The following PRKCA variants were observed in gnomAD, a reference collection of about 807,000 sequenced individuals.
PRKCA encodes protein kinase C alpha type.
Under a neutral mutation model 87.0 loss-of-function variants are expected in PRKCA, and 27 were observed. The ratio of observed to expected loss-of-function variants is 0.31; its 90% CI spans 0.23 to 0.43. The LOEUF is 0.43. PRKCA is among the 20% of genes least tolerant of loss of function. PRKCA has a pLI of 1.00. For synonymous variants in PRKCA, 329 were observed against 311.1 expected, an observed-to-expected ratio of 1.06 and a Z score of -0.61; for missense variants, 518 against 852.3, an observed-to-expected ratio of 0.61 and a Z score of 4.88.
chr17:66,778,161 T>A (rs61762778), intron 14 of PRKCA: 25,526 of 985,328 alleles, frequency 0.026, 372 homozygotes, highest in Non-Finnish European at 0.029. Context: ...CCCACACTGC[T>A]TCTCAGAGCC....
chr17:66,757,571 G>GAAAA (rs35540620), intron 13 of PRKCA, among the ~76,000 whole-genome samples: 3 of 117,016 alleles, frequency 2.6e-5, no homozygotes, highest in Non-Finnish European at 5.5e-5. Context: ...GCTTTGGGAG[G>GAAAA]AAAAAAAAAA....
At chr17:66,333,079 T>G (rs9635753) in intron 2 of PRKCA, among the ~76,000 whole-genome samples, 85,428 of 152,046 alleles carry the variant, frequency 0.56, 24,165 homozygotes, top group Middle Eastern at 0.68. Flanking sequence ...TAAATAAAAT[T>G]AAAACTTCAA....
chr17:66,791,157 G>C lies in PRKCA; in HGVS notation c.1854+2178G>C, dbSNP rs1447313259. On this transcript the variant is annotated intron_variant, in intron 16 of 16. Transcript: ENST00000413366. ...ATGCTGTCCCTCCCCCCTCCCTTTT[G>C]TTTGTTTTTTAACTGAATGCTCGTT... Among the ~76,000 whole-genome samples, 3 of 118,104 alleles carry C rather than the reference G, an allele frequency of 2.5e-5. No individual in the cohort carries two copies. In the Admixed American group the frequency reaches 3.3e-4, roughly 13 times the overall value. 77.5% of individuals were successfully genotyped at this position (118,104 alleles called of 152,430 possible).
chr17:66,366,794 A>C (rs1908755236), intron 2 of PRKCA, among the ~76,000 whole-genome samples: 1 of 152,198 alleles, frequency 6.6e-6, no homozygotes, highest in African/African-American at 2.4e-5. Flanking sequence ...TGTGGATTGA[A>C]GAAATTATTG....
intron 3 of PRKCA, among the ~76,000 whole-genome samples, chr17:66,515,123 G>A (rs1381552696): frequency 6.6e-6 from 1 of 152,002 alleles, no homozygotes; most frequent in African/African-American, 2.4e-5. Flanking sequence ...GGGCATGGTG[G>A]CCTGCGCCTC....
intron 3 of PRKCA, among the ~76,000 whole-genome samples, chr17:66,547,760 A>T (rs1968190528): frequency 6.6e-6 from 1 of 152,236 alleles, no homozygotes; most frequent in Non-Finnish European, 1.5e-5. Flanking sequence ...ATTGAAGTAG[A>T]AAATAACCCT....
intron 3 of PRKCA, among the ~76,000 whole-genome samples, chr17:66,514,726 G>A (rs1044870312): frequency 6.6e-6 from 1 of 151,984 alleles, no homozygotes; most frequent in African/African-American, 2.4e-5. Flanking sequence ...AGCAGGAGGT[G>A]AGCCAAAGGT....
chr17:66,610,705 G>A (rs1295298532), intron 3 of PRKCA, among the ~76,000 whole-genome samples: 1 of 152,176 alleles, frequency 6.6e-6, no homozygotes, highest in African/African-American at 2.4e-5. Context: ...AGAGCACACC[G>A]AACAAGGGAA....
chr17:66,503,637 T>C (rs1340551926), intron 3 of PRKCA, among the ~76,000 whole-genome samples: 2 of 152,184 alleles, frequency 1.3e-5, no homozygotes, highest in African/African-American at 4.8e-5. Flanking sequence ...GAGGACTATA[T>C]GTCTAGAAAG....
chr17:66,648,425 C>T (rs1318159457), intron 5 of PRKCA, among the ~76,000 whole-genome samples: 2 of 152,210 alleles, frequency 1.3e-5, no homozygotes, highest in African/African-American at 4.8e-5. Flanking sequence ...ATTATCCTTA[C>T]GTTATAGATG....
intron 2 of PRKCA, among the ~76,000 whole-genome samples, chr17:66,490,516 T>A (rs763334749): frequency 5.3e-5 from 8 of 151,888 alleles, no homozygotes; most frequent in Non-Finnish European, 8.8e-5. Flanking sequence ...GCTAATTTTT[T>A]GTATTTTTTA....
chr17:66,330,824 A>T (rs1438597075), intron 2 of PRKCA, among the ~76,000 whole-genome samples: 1 of 152,226 alleles, frequency 6.6e-6, no homozygotes, highest in African/African-American at 2.4e-5. Context: ...AGTGAAGCTG[A>T]TAGTAATGAG....
chr17:66,742,691 C>T lies in PRKCA; in HGVS notation c.1455C>T (p.Cys485=), dbSNP rs772665425. The part of the protein sequence containing the change: ...GHIKIADFGM[C]KEHMMDGVTT... The stretch of plus-strand genomic sequence containing the variant: ...TCAAAATTGCTGACTTTGGGATGTG[C>T]AAGGAACACATGATGGATGGAGTCA... Residue 485 remains cysteine (C), a synonymous_variant, in exon 13 of 17, where the codon TGC becomes TGT. Transcript: ENST00000413366. 4 of 1,614,128 alleles carry T rather than the reference C, an allele frequency of 2.5e-6. No individual in the cohort carries two copies. The highest frequency in any genetic ancestry group is 3.4e-6 in the Non-Finnish European group (4 of 1,179,992).
intron 2 of PRKCA, among the ~76,000 whole-genome samples, chr17:66,479,360 G>A (rs569292624): frequency 2.0e-5 from 3 of 152,272 alleles, no homozygotes; most frequent in African/African-American, 7.2e-5. Flanking sequence ...AATATTAGAT[G>A]CTGGTGAGGT....
chr17:66,499,659 A>G (rs931235378), intron 3 of PRKCA, among the ~76,000 whole-genome samples: 1 of 152,148 alleles, frequency 6.6e-6, no homozygotes, highest in African/African-American at 2.4e-5. Context: ...TATAACGGAA[A>G]CACACCCGTG....
intron 5 of PRKCA, among the ~76,000 whole-genome samples, chr17:66,682,752 C>G (rs1440050885): frequency 6.6e-6 from 1 of 152,098 alleles, no homozygotes; most frequent in Non-Finnish European, 1.5e-5. Context: ...TTCTGTGGGT[C>G]AAAACAATTT....
chr17:66,471,162 C>T (rs1322213181), intron 2 of PRKCA, among the ~76,000 whole-genome samples: 1 of 152,114 alleles, frequency 6.6e-6, no homozygotes, highest in African/African-American at 2.4e-5. Context: ...TATTGCATTT[C>T]CTCAATTTTG....
At chr17:66,486,787 C>T (rs555697056) in intron 2 of PRKCA, among the ~76,000 whole-genome samples, 1 of 152,232 alleles carries the variant, frequency 6.6e-6, no homozygotes, top group South Asian at 2.1e-4. Flanking sequence ...CAAATTGAGA[C>T]CCCTGTTTAT....
chr17:66,614,962 G>A (rs1023458539), intron 3 of PRKCA, among the ~76,000 whole-genome samples: 2 of 152,150 alleles, frequency 1.3e-5, no homozygotes, highest in African/African-American at 4.8e-5. Context: ...GAAAGGAGTA[G>A]GGAGGGGGTG....
Sources: gnomAD v4.1 joint callset for allele counts (sites outside exome capture counted in the v4.1 genomes callset) on GRCh38, gnomAD v4.1.1 for gene constraint, MANE v1.5 for transcripts, NCBI Gene and HGNC (gene_info 2026-07-23, HGNC 2026-07-21) for gene names.